Variants in KHDRBS2 observed in about 807,000 individuals in gnomAD.
The protein encoded by KHDRBS2 is KH RNA binding domain containing, signal transduction associated 2.
KHDRBS2 carries 26 observed loss-of-function variants against 44.3 expected under a neutral mutation model. The ratio of observed to expected loss-of-function variants is 0.59; its 90% confidence interval spans 0.43 to 0.81. The LOEUF is 0.81. KHDRBS2 is among the 40% of genes least tolerant of loss of function. The pLI, the probability that KHDRBS2 is intolerant of heterozygous loss-of-function variation, is 0.00. For synonymous variants in KHDRBS2, 194 were observed against 151.1 expected (o/e 1.28, Z -2.08); for missense variants, 476 against 433.1 (o/e 1.10, Z -0.88).
In KHDRBS2 at chr6:62,255,824, C is replaced by T. The variant is rs78788710; in HGVS notation, c.91+30034G>A. ...ACTAAGTTGGTAAACTATATTGACACAAATTTTCTTACAAACTCAAAACAA... is the reference window on the plus strand; with the variant it reads ...ACTAAGTTGGTAAACTATATTGACATAAATTTTCTTACAAACTCAAAACAA... On this transcript the variant is annotated intron_variant, in intron 1 of 8. Transcript: ENST00000281156. Among the ~76,000 whole-genome samples, 1,484 of 151,876 alleles carry T rather than the reference C, an allele frequency of 9.8e-3. 5 individuals carry two copies. Among genetic ancestry groups the T allele is most frequent in the Middle Eastern group, 0.027 (8 of 294 alleles).
At chr6:62,202,368 C>T (rs1563056110) in intron 1 of KHDRBS2, among the ~76,000 whole-genome samples, 2 of 151,996 alleles carry the variant, frequency 1.3e-5, no homozygotes, top group South Asian at 2.1e-4. Flanking sequence ...AAGTTTTTAT[C>T]TTTATATATC....
At chr6:61,938,510 T>C (rs1811475093) in intron 4 of KHDRBS2, among the ~76,000 whole-genome samples, 1 of 152,184 alleles carries the variant, frequency 6.6e-6, no homozygotes, top group Non-Finnish European at 1.5e-5. Context: ...TTGAACTTTG[T>C]TTATTGAGAA....
intron 2 of KHDRBS2, among the ~76,000 whole-genome samples, chr6:62,141,292 A>T (rs923690597): frequency 6.6e-6 from 1 of 152,184 alleles, no homozygotes; most frequent in African/African-American, 2.4e-5. Context: ...GGATTTAAAC[A>T]TATATATTGA....
At chr6:61,813,704 TC>T (rs1243478187) in intron 6 of KHDRBS2, among the ~76,000 whole-genome samples, 1 of 152,182 alleles carries the variant, frequency 6.6e-6, no homozygotes, top group Admixed American at 6.5e-5. Context: ...CCTGCTCAGT[TC>T]TACTAGCAGA....
At chr6:62,106,996 G>C (rs1803551570) in intron 2 of KHDRBS2, among the ~76,000 whole-genome samples, 1 of 152,008 alleles carries the variant, frequency 6.6e-6, no homozygotes, top group Admixed American at 6.6e-5. Flanking sequence ...ATACTGAATG[G>C]GCAAAAACTG....
intron 3 of KHDRBS2, among the ~76,000 whole-genome samples, chr6:62,023,343 T>C (rs1782681998): frequency 6.6e-6 from 1 of 151,688 alleles, no homozygotes; most frequent in Non-Finnish European, 1.5e-5. Flanking sequence ...GCACTTACAG[T>C]AGGTTCCATG....
chr6:62,093,440 G>T (rs961005061), intron 2 of KHDRBS2, among the ~76,000 whole-genome samples: 2 of 151,774 alleles, frequency 1.3e-5, no homozygotes, highest in East Asian at 3.9e-4. Flanking sequence ...TCAAATCAGG[G>T]TAATTAGCAT....
chr6:61,748,961 T>C (rs994820928), intron 6 of KHDRBS2, among the ~76,000 whole-genome samples: 3 of 151,542 alleles, frequency 2.0e-5, no homozygotes, highest in African/African-American at 7.3e-5. Flanking sequence ...TTATTTAATT[T>C]TAATTTATTT....
At chr6:61,577,132 TG>T in the KHDRBS2 span, among the ~76,000 whole-genome samples, 1 of 86,390 alleles carries the variant, frequency 1.2e-5, no homozygotes, top group Non-Finnish European at 2.6e-5. Context: ...ACTCAGTTTT[TG>T]TTTTTTTTGT....
chr6:61,708,343 T>G (rs1216513342), intron 7 of KHDRBS2, among the ~76,000 whole-genome samples: 1 of 151,582 alleles, frequency 6.6e-6, no homozygotes, highest in Non-Finnish European at 1.5e-5. Context: ...AAATTGATCA[T>G]TTTGTGTACT....
rs1159988765 is a variant in KHDRBS2 at position 61,993,179 on chromosome 6, TA to T, written c.337-14968del. Among the ~76,000 whole-genome samples the T allele has an allele frequency of 3.9e-5, 6 of 152,256 alleles. No individual in the cohort carries two copies. The South Asian group carries it at 1.2e-3, about 32-fold the overall frequency. ...CAAAGGCCTGGATATAGGCTCCCCA[TA>T]ATACTTTATACTTGTTGGCACACAT... On this transcript the variant is annotated intron_variant, in intron 3 of 8. Coordinates refer to ENST00000281156, the MANE Select transcript of KHDRBS2 (RefSeq NM_152688.4).
chr6:62,138,953 C>T (rs751219914), intron 2 of KHDRBS2, among the ~76,000 whole-genome samples: 35 of 152,226 alleles, frequency 2.3e-4, no homozygotes, highest in Non-Finnish European at 3.1e-4. Flanking sequence ...ATAAAAACGG[C>T]CATGGGCAAG....
chr6:62,053,927 G>T (rs555858296), intron 2 of KHDRBS2, among the ~76,000 whole-genome samples: 3 of 152,002 alleles, frequency 2.0e-5, no homozygotes, highest in Admixed American at 6.6e-5. Context: ...TATAATTAGA[G>T]AATTTTTTTA....
chr6:62,044,162 C>G (rs1787160563), intron 3 of KHDRBS2, among the ~76,000 whole-genome samples: 1 of 151,816 alleles, frequency 6.6e-6, no homozygotes. Flanking sequence ...TGTCTTATGT[C>G]CAGCCTCCAG....
chr6:61,869,964 G>GTTT lies in KHDRBS2; in HGVS notation c.810+24668_810+24670dup, dbSNP rs59518436. ...TAGACACCGAACTAGCTGCAGGAGT[G>GTTT]TTTTTTTTTTTTTTTTTTTTTTTCC... On this transcript the variant is annotated intron_variant, in intron 6 of 8. Transcript: ENST00000281156. Among the ~76,000 whole-genome samples, 868 of 108,716 alleles carry GTTT rather than the reference G, an allele frequency of 8.0e-3. 21 individuals carry two copies. The highest frequency in any genetic ancestry group is 0.025 in the African/African-American group (662 of 26,282). The allele number at this position is 108,716 out of a possible 152,430, so 71.3% of individuals were successfully genotyped here. A position where few individuals can be genotyped will look rare whatever the true frequency, so the allele number is the denominator to read the frequency against.
chr6:62,229,732 G>C (rs992451538), intron 1 of KHDRBS2, among the ~76,000 whole-genome samples: 1 of 152,128 alleles, frequency 6.6e-6, no homozygotes, highest in Middle Eastern at 3.2e-3. Context: ...AATCTCACTT[G>C]GCTGGGGGGT....
At chr6:62,048,988 TTC>T (rs1296805179) in intron 2 of KHDRBS2, among the ~76,000 whole-genome samples, 1 of 152,018 alleles carries the variant, frequency 6.6e-6, no homozygotes, top group South Asian at 2.1e-4. Flanking sequence ...TTCTCTTCTC[TTC>T]TCTTTTTTCT....
At chr6:62,107,255 C>A (rs1437146360) in intron 2 of KHDRBS2, among the ~76,000 whole-genome samples, 4 of 152,048 alleles carry the variant, frequency 2.6e-5, no homozygotes, top group African/African-American at 4.8e-5. Context: ...TCTCAGGATA[C>A]AAAATCAATG....
At chr6:61,571,282 C>CA in the KHDRBS2 span, among the ~76,000 whole-genome samples, 1 of 151,860 alleles carries the variant, frequency 6.6e-6, no homozygotes, top group Non-Finnish European at 1.5e-5. Flanking sequence ...TCTTATATCA[C>CA]ACAAAACAGA....
Sources: allele counts gnomAD v4.1 joint callset (sites outside exome capture counted in the v4.1 genomes callset), GRCh38; gene constraint gnomAD v4.1.1; transcripts MANE v1.5; gene names NCBI Gene and HGNC (gene_info 2026-07-23, HGNC 2026-07-21).